F5: variants seen among roughly 807,000 people sequenced by gnomAD.
The protein encoded by F5 is coagulation factor V.
A neutral mutation model predicts 216.4 loss-of-function variants in F5; 138 were observed. The ratio of observed to expected loss-of-function variants is 0.64; its 90% CI spans 0.56 to 0.73. The LOEUF (loss-of-function observed/expected upper bound fraction) is 0.73. Ranked by LOEUF, F5 falls within the 30% of genes least tolerant of loss-of-function variation. F5 has a pLI of 0.00. For synonymous variants in F5, 916 were observed against 930.7 expected (o/e 0.98, Z 0.29); for missense variants, 2,403 against 2,674.0 (o/e 0.90, Z 2.24).
chr1:169,583,959 T>C (rs187686474), intron 1 of F5, among the ~76,000 whole-genome samples: 1 of 152,330 alleles, frequency 6.6e-6, no homozygotes, highest in African/African-American at 2.4e-5. Context: ...AGCGTGGAAG[T>C]TGAATATGAA....
chr1:169,554,172 C>A (rs1200663904), intron 7 of F5, among the ~76,000 whole-genome samples: 2 of 152,282 alleles, frequency 1.3e-5, no homozygotes, highest in East Asian at 3.9e-4. Context: ...CCTCCCTACC[C>A]TCCCTGAATT....
Position 169,542,990 on chromosome 1 carries a change from T to A in F5, c.2100A>T (p.Glu700Asp), listed in dbSNP as rs1417509905. The A allele has an allele frequency of 6.2e-7, 1 of 1,614,090 alleles. No homozygotes were observed. Among genetic ancestry groups the A allele is most frequent in the Non-Finnish European group, 8.5e-7 (1 of 1,179,986 alleles). The stretch of plus-strand genomic sequence containing the variant: ...TTTTCCGTGTAGCCATGACTGTAGA[T>A]TCTGGAGGTTCAAAAATCTCATATG... ...EDSYEIFEPP[E>D]STVMATRKMH... The change falls in exon 13 of 25, where the codon GAA (glutamate) becomes GAT (aspartate). Residue 700 changes from glutamate to aspartate, a missense_variant. By Grantham distance (45) the Glu-to-Asp change is conservative. Transcript: ENST00000367797.
intron 1 of F5, 131 bp downstream of exon 1, chr1:169,586,098 C>T (rs1661096502): frequency 2.0e-6 from 2 of 977,426 alleles, no homozygotes; most frequent in Non-Finnish European, 3.1e-6. Flanking sequence ...TCAGTATACT[C>T]TCCTATTAGT....
At chr1:169,571,362 A>C (rs1660718569) in intron 3 of F5, among the ~76,000 whole-genome samples, 1 of 152,138 alleles carries the variant, frequency 6.6e-6, no homozygotes, top group African/African-American at 2.4e-5. Context: ...ACTTCATTTA[A>C]ATTTCAGGCA....
At chr1:169,546,901 G>T (rs12143223) in intron 10 of F5, among the ~76,000 whole-genome samples, 1 of 151,038 alleles carries the variant, frequency 6.6e-6, no homozygotes, top group Non-Finnish European at 1.5e-5. Context: ...AGGCCAAGGC[G>T]GGTGGATCAC....
chr1:169,556,425 T>TGAAAAAAAAAAAAA (rs549256084), intron 6 of F5, among the ~76,000 whole-genome samples: 1 of 58,906 alleles, frequency 1.7e-5, no homozygotes, highest in Non-Finnish European at 2.9e-5. Context: ...TTTGCTTAAT[T>TGAAAAAAAAAAAAA]AAAAAAAAAA....
Position 169,542,420 on chromosome 1 carries a change from A to C in F5, c.2670T>G (p.Val890=), listed in dbSNP as rs1659880630. ...FSWMKLLAHK[V]GRHLSQDTGS... ...CAGTGTCTTGGCTTAGGTGTCTCCC[A>C]ACTTTATGTGCTAGTAATTTCATCC... Residue 890 remains valine, a synonymous_variant, in exon 13 of 25, where the codon GTT becomes GTG. Transcript: ENST00000367797. 1 of 1,614,066 alleles carries C rather than the reference A, an allele frequency of 6.2e-7. No individual in the cohort carries two copies. Among genetic ancestry groups the C allele is most frequent in the African/African-American group, 1.3e-5 (1 of 75,020 alleles).
In F5 at chr1:169,523,351, A is replaced by G; in HGVS notation, c.5894T>C (p.Val1965Ala). 1.9e-6 allele frequency: 3 copies of G among 1,613,964 alleles called. No homozygotes were observed. The highest frequency in any genetic ancestry group is 2.5e-6 in the Non-Finnish European group (3 of 1,179,934). ...AEFASKPWIQ[V>A]DMQKEVIITG... ...GATTATGACTTCCTTTTGCATGTCC[A>G]CCTGCAATATAGGAAAGCCAGTAAA... The change falls in exon 21 of 25, where the codon GTG becomes GCG. Residue 1965 changes from valine (V) to alanine (A), a missense_variant and splice_region_variant. Physicochemically the swap from Val to Ala is moderately conservative, Grantham distance 64. This residue lies in a region of F5 where 659 missense variants were observed against 787.9 expected (regional missense o/e 0.84). Coordinates refer to ENST00000367797, the MANE Select transcript of F5 (RefSeq NM_000130.5).
intron 6 of F5, among the ~76,000 whole-genome samples, chr1:169,556,141 C>T (rs919904649): frequency 3.9e-5 from 6 of 152,074 alleles, no homozygotes; most frequent in African/African-American, 1.4e-4. Flanking sequence ...GGAGCTCACC[C>T]CTCAGTATAT....
rs1557914685 is a variant in F5 at position 169,540,949 on chromosome 1, G to C, written c.4141C>G (p.Gln1381Glu). ...CTGAGGTCTGGGGAAAGGTTTGTCT[G>C]ACTGAGTTCTGGAGAGAGGTTTGTC... Reference protein sequence around the residue: ...SQTNLSPELSQTNLSPDLSEM... With the variant: ...SQTNLSPELSETNLSPDLSEM... The change falls in exon 13 of 25, where the codon CAG becomes GAG. Residue 1381 changes from glutamine to glutamate, a missense_variant. By Grantham distance (29) the Gln-to-Glu change is conservative. Coordinates refer to ENST00000367797, the MANE Select transcript of F5 (RefSeq NM_000130.5). The C allele has an allele frequency of 4.3e-6, 7 of 1,611,728 alleles. No homozygotes were observed. The highest frequency in any genetic ancestry group is 5.9e-6 in the Non-Finnish European group (7 of 1,178,292).
chr1:169,528,774 G>A (rs1659521251), intron 16 of F5, among the ~76,000 whole-genome samples: 1 of 152,140 alleles, frequency 6.6e-6, no homozygotes, highest in African/African-American at 2.4e-5. Flanking sequence ...AAACTGTAAA[G>A]ATAAAGTTTA....
chr1:169,544,373 T>C lies in F5; in HGVS notation c.1898A>G (p.Tyr633Cys), dbSNP rs775062519. ...CAAGGTGTCCTCATGCCTCTTTCCATAGATGAATGAGTGCCCAGTGAAGTG... is the reference window on the plus strand; with the variant it reads ...CAAGGTGTCCTCATGCCTCTTTCCACAGATGAATGAGTGCCCAGTGAAGTG... Reference protein sequence around the residue: ...TIHFTGHSFIYGKRHEDTLTL... With the variant: ...TIHFTGHSFICGKRHEDTLTL... Residue 633 changes from tyrosine to cysteine, a missense_variant, in exon 12 of 25, where the codon TAT (tyrosine) becomes TGT (cysteine). Transcript: ENST00000367797. 39 of 1,614,012 alleles carry C rather than the reference T, an allele frequency of 2.4e-5. No homozygotes were observed. Among genetic ancestry groups the C allele is most frequent in the South Asian group, 2.2e-4 (20 of 91,074 alleles).
chr1:169,536,183 A>T (rs1659700385), intron 14 of F5, among the ~76,000 whole-genome samples: 1 of 152,042 alleles, frequency 6.6e-6, no homozygotes. Flanking sequence ...CACCACCACC[A>T]CTGCTATGAA....
chr1:169,543,510 A>T (rs994050587), intron 12 of F5, among the ~76,000 whole-genome samples: 3 of 152,218 alleles, frequency 2.0e-5, no homozygotes, highest in African/African-American at 7.2e-5. Context: ...TCAAGAATAA[A>T]ATGGACTTTT....
intron 3 of F5, among the ~76,000 whole-genome samples, chr1:169,565,196 C>A (rs1660570874): frequency 6.6e-6 from 1 of 152,024 alleles, no homozygotes; most frequent in South Asian, 2.1e-4. Flanking sequence ...TTCACTTCTA[C>A]CTTTATCTCC....
chr1:169,551,087 C>T (rs1360437902), intron 8 of F5, among the ~76,000 whole-genome samples: 3 of 152,184 alleles, frequency 2.0e-5, no homozygotes, highest in Admixed American at 2.0e-4. Flanking sequence ...CATTTTGAAT[C>T]TGCTTCTCAT....
Position 169,580,364 on chromosome 1 carries a change from T to C in F5, c.250+2067A>G, listed in dbSNP as rs111776552. On this transcript the variant is annotated intron_variant, in intron 2 of 24. Coordinates refer to ENST00000367797, the MANE Select transcript of F5 (RefSeq NM_000130.5). The stretch of plus-strand genomic sequence containing the variant: ...CCTAGAATGTAGTAGGTTCTCAATA[T>C]ACTTTTTTGTTGTTGTTGTTGTTGT... 3.6e-3 allele frequency among the ~76,000 whole-genome samples: 545 copies of C among 151,846 alleles called. 4 individuals carry two copies. Among genetic ancestry groups the C allele is most frequent in the African/African-American group, 0.012 (508 of 41,288 alleles).
chr1:169,519,888 C>G (rs1659253482), intron 22 of F5, among the ~76,000 whole-genome samples: 1 of 152,142 alleles, frequency 6.6e-6, no homozygotes, highest in Non-Finnish European at 1.5e-5. Context: ...CCAAGAAGAA[C>G]AGTTAAGACT....
At chr1:169,574,205 T>C (rs1660790520) in intron 2 of F5, among the ~76,000 whole-genome samples, 1 of 152,152 alleles carries the variant, frequency 6.6e-6, no homozygotes, top group South Asian at 2.1e-4. Flanking sequence ...ACCAATACCC[T>C]GTGGATACCA....
Sources: allele counts gnomAD v4.1 joint callset (sites outside exome capture counted in the v4.1 genomes callset), GRCh38; gene constraint gnomAD v4.1.1; regional missense constraint gnomAD v4.1.1; transcripts MANE v1.5; gene names NCBI Gene and HGNC (gene_info 2026-07-23, HGNC 2026-07-21).